The following LARP6 variants were observed in gnomAD, a reference collection of about 807,000 sequenced individuals.
The protein encoded by LARP6 is la-related protein 6.
In LARP6, 18 loss-of-function variants were observed where a neutral mutation model predicts 32.8. The observed-to-expected ratio is 0.55, with a 90% CI of 0.38 to 0.81. The LOEUF (loss-of-function observed/expected upper bound fraction) is 0.81. Ranked by LOEUF, LARP6 falls within the 40% of genes least tolerant of loss-of-function variation. The probability of loss-of-function intolerance (pLI) is 0.00; values close to 1 mark genes in which losing one functional copy is unlikely to be tolerated. For synonymous variants in LARP6, 289 were observed against 267.2 expected (o/e 1.08, Z -0.80); for missense variants, 598 against 663.1 (o/e 0.90, Z 1.08).
intron 1 of LARP6, among the ~76,000 whole-genome samples, chr15:70,841,847 T>C (rs886905512): frequency 5.3e-5 from 8 of 152,110 alleles, no homozygotes; most frequent in Non-Finnish European, 1.0e-4. Context: ...CAATCAAGCC[T>C]CTTTTCTTAT....
chr15:70,850,926 A>G (rs1327738773), intron 1 of LARP6, among the ~76,000 whole-genome samples: 1 of 152,198 alleles, frequency 6.6e-6, no homozygotes, highest in Non-Finnish European at 1.5e-5. Flanking sequence ...TTAGGGAAAA[A>G]AAATGGTGGA....
At position 70,829,889 on chromosome 15, in the gene LARP6, T is replaced by C. The variant is rs1238212271; in HGVS notation, c.*2163A>G. 1 of 152,322 alleles carries C rather than the reference T, an allele frequency of 6.6e-6. No individual in the cohort carries two copies. The highest frequency in any genetic ancestry group is 1.5e-5 in the Non-Finnish European group (1 of 68,060). The allele number at this position is 152,322 out of a possible 1,614,324, so 9.4% of individuals were successfully genotyped here. A position where few individuals can be genotyped will look rare whatever the true frequency, so the allele number is the denominator to read the frequency against. ...GTTAATCTAAAAATAGAGCTGTGAC[T>C]TGTGTAACAGGCATAATAGGGTGGA... On this transcript the variant is annotated 3_prime_UTR_variant, in exon 3 of 3. Coordinates refer to ENST00000299213, the MANE Select transcript of LARP6 (RefSeq NM_018357.4).
chr15:70,829,865 T>C lies in LARP6; in HGVS notation c.*2187A>G, dbSNP rs1458898009. 6.6e-6 allele frequency: 1 copy of C among 152,200 alleles called. No homozygotes were observed. Among genetic ancestry groups the C allele is most frequent in the Non-Finnish European group, 1.5e-5 (1 of 68,036 alleles). The allele number at this position is 152,200 out of a possible 1,614,324, so 9.4% of individuals were successfully genotyped here. On this transcript the variant is annotated 3_prime_UTR_variant, in exon 3 of 3. Coordinates refer to ENST00000299213, the MANE Select transcript of LARP6 (RefSeq NM_018357.4). ...TAAAAGTAACTATGATCCACGAGGG[T>C]TAATCTAAAAATAGAGCTGTGACTT...
At chr15:70,841,791 T>C (rs7163439) in intron 1 of LARP6, among the ~76,000 whole-genome samples, 145,234 of 152,110 alleles carry the variant, frequency 0.95, 69,545 homozygotes, top group East Asian at 1. Context: ...TCCCCAGAAG[T>C]GGATGCTAGT....
At chr15:70,839,470 T>A (rs1338956614) in intron 1 of LARP6, among the ~76,000 whole-genome samples, 4 of 150,960 alleles carry the variant, frequency 2.6e-5, no homozygotes, top group Admixed American at 2.6e-4. Context: ...GTGAAGAAAA[T>A]AATAGGGAGA....
rs201968578 is a variant in LARP6 at position 70,832,127 on chromosome 15, C to T, written c.1401G>A (p.Gly467=). The T allele has an allele frequency of 3.1e-6, 5 of 1,603,974 alleles. No individual in the cohort carries two copies. The highest frequency in any genetic ancestry group is 2.2e-5 in the East Asian group (1 of 44,784). ...KMQTADGLPV[G]VLRLPRGPDN... is the part of the protein sequence containing the mutation. ...CAGGACCCCTGGGCAACCTCAGCAC[C>T]CCTACGGGTAGCCCATCTGCAGTCT... Residue 467 remains glycine, a synonymous_variant, in exon 3 of 3, where the codon GGG becomes GGA. Coordinates refer to ENST00000299213, the MANE Select transcript of LARP6 (RefSeq NM_018357.4).
intron 1 of LARP6, chr15:70,851,435 G>C: frequency 8.0e-7 from 1 of 1,253,754 alleles, no homozygotes. Context: ...CATTTTAGAG[G>C]CTGTAAAGAC....
At chr15:70,852,112 G>A (rs935153615) in intron 1 of LARP6, 5 of 348,414 alleles carry the variant, frequency 1.4e-5, no homozygotes, top group South Asian at 6.5e-5. Context: ...CATTCACATC[G>A]GGTGATGGCT....
intron 1 of LARP6, among the ~76,000 whole-genome samples, chr15:70,843,649 CTTTTTTTTTTT>C (rs67996815): frequency 8.7e-5 from 7 of 80,590 alleles, no homozygotes; most frequent in Non-Finnish European, 1.6e-4. Context: ...GTTTTGGTGT[CTTTTTTTTTTT>C]TTTTTTTTTT....
intron 1 of LARP6, among the ~76,000 whole-genome samples, chr15:70,840,212 T>A (rs2053828203): frequency 6.6e-6 from 1 of 152,184 alleles, no homozygotes; most frequent in Admixed American, 6.5e-5. Context: ...TTCACTTTAT[T>A]AGGGAAAGTT....
chr15:70,840,455 G>T, intron 1 of LARP6, among the ~76,000 whole-genome samples: 1 of 152,148 alleles, frequency 6.6e-6, no homozygotes, highest in South Asian at 2.1e-4. Context: ...CAAGAGAATC[G>T]CTTGAACCCG....
chr15:70,853,643 G>A (rs1423655927), intron 1 of LARP6: 2 of 315,778 alleles, frequency 6.3e-6, no homozygotes, highest in African/African-American at 4.4e-5. Flanking sequence ...CCCACGTCCA[G>A]GCCCCTCAGA....
Position 70,832,785 on chromosome 15 carries a change from C to G in LARP6, c.743G>C (p.Ser248Thr), listed in dbSNP as rs1359151713. The G allele has an allele frequency of 1.9e-6, 3 of 1,609,428 alleles. No homozygotes were observed. In the East Asian group the frequency reaches 6.7e-5, roughly 36 times the overall value. ...ELPPDIRRIS[S>T]RYSQVGTQEC... ...CTGGGTCCCCACTTGGCTGTAGCGG[C>G]TGCTGATCCTCCGGATGTCAGGGGG... Residue 248 changes from serine to threonine, a missense_variant, in exon 3 of 3, where the codon AGC (serine) becomes ACC (threonine). Coordinates refer to ENST00000299213, the MANE Select transcript of LARP6 (RefSeq NM_018357.4).
intron 2 of LARP6, among the ~76,000 whole-genome samples, chr15:70,834,611 G>A (rs992107176): frequency 6.6e-6 from 1 of 152,262 alleles, no homozygotes; most frequent in Non-Finnish European, 1.5e-5. Flanking sequence ...ACAGAAGTCT[G>A]TGGGGGACCA....
chr15:70,850,204 G>C (rs982466755), intron 1 of LARP6, among the ~76,000 whole-genome samples: 1 of 152,174 alleles, frequency 6.6e-6, no homozygotes, highest in Non-Finnish European at 1.5e-5. Context: ...TAAGGAGATT[G>C]AATCAGGAAT....
intron 1 of LARP6, chr15:70,848,874 T>C (rs796628183): frequency 2.6e-5 from 4 of 152,342 alleles, no homozygotes; most frequent in African/African-American, 9.6e-5. Flanking sequence ...TCAATGGTTT[T>C]TATTGTTCAT....
intron 1 of LARP6, among the ~76,000 whole-genome samples, chr15:70,841,785 C>A (rs2032263871): frequency 6.6e-6 from 1 of 152,074 alleles, no homozygotes; most frequent in Admixed American, 6.5e-5. Context: ...GAGGCCTCCC[C>A]AGAAGTGGAT....
chr15:70,842,654 T>C (rs2032278139), intron 1 of LARP6, among the ~76,000 whole-genome samples: 1 of 152,214 alleles, frequency 6.6e-6, no homozygotes, highest in Admixed American at 6.5e-5. Context: ...ATAGGCATTC[T>C]ATCTGGGAAG....
rs1158376550 is a variant in LARP6, at chr15:70,829,533, TCA to T, written c.*2517_*2518del. Reference sequence around the variant, plus strand: ...GGAGGCTTGCCTTTGGAGGTGATGATCAGACAGCAGGATAAGTAGTGACTAAT... The same window carrying T: ...GGAGGCTTGCCTTTGGAGGTGATGATGACAGCAGGATAAGTAGTGACTAAT... On this transcript the variant is annotated 3_prime_UTR_variant, in exon 3 of 3. Coordinates refer to ENST00000299213, the MANE Select transcript of LARP6 (RefSeq NM_018357.4). 6.6e-6 allele frequency: 1 copy of T among 152,258 alleles called. No individual in the cohort carries two copies. The highest frequency in any genetic ancestry group is 1.5e-5 in the Non-Finnish European group (1 of 68,072). The allele number at this position is 152,258 out of a possible 1,614,324, so 9.4% of individuals were successfully genotyped here.
Sources: allele counts gnomAD v4.1 joint callset (sites outside exome capture counted in the v4.1 genomes callset), GRCh38; gene constraint gnomAD v4.1.1; transcripts MANE v1.5; gene names NCBI Gene and HGNC (gene_info 2026-07-23, HGNC 2026-07-21).